The following TTN variants were observed in gnomAD, a reference collection of about 807,000 sequenced individuals.
TTN encodes the protein titin, also known as connectin.
A neutral mutation model predicts 3,223.0 loss-of-function variants in TTN; 1,525 were observed. The ratio of observed to expected loss-of-function variants is 0.47; its 90% CI spans 0.45 to 0.49. The LOEUF (loss-of-function observed/expected upper bound fraction) is 0.49, where lower values mean the gene tolerates loss of function less well. TTN is among the 20% of genes least tolerant of loss of function. The pLI, the probability that TTN is intolerant of heterozygous loss-of-function variation, is 0.00. For missense variants in TTN, 40,786 were observed against 43,424.0 expected, an observed-to-expected ratio of 0.94 and a Z score of 5.40; for synonymous variants, 14,094 against 15,161.0, an observed-to-expected ratio of 0.93 and a Z score of 5.17.
rs1345600097 is a variant in TTN at position 178,794,921 on chromosome 2, C to A, written c.1245+1G>T. 1 of 1,601,092 alleles carries A rather than the reference C, an allele frequency of 6.2e-7. No individual in the cohort carries two copies. Among genetic ancestry groups the A allele is most frequent in the Non-Finnish European group, 8.5e-7 (1 of 1,179,958 alleles). ...GAAAAACAAAACCATTCTGACAGTA[C>A]CTCTTTAGCACCAGTGGCAACAGCC... On this transcript the variant is annotated splice_donor_variant, in intron 7 of 362. Coordinates refer to ENST00000589042, the MANE Select transcript of TTN (RefSeq NM_001267550.2). LOFTEE classifies it high-confidence loss of function.
In TTN at chr2:178,599,783, G is replaced by A. The variant is rs1559671858; in HGVS notation, c.56118C>T (p.Ala18706=). The change falls in exon 289 of 363, where the codon GCC becomes GCT. Residue 18706 remains alanine, a synonymous_variant. Coordinates refer to ENST00000589042, the MANE Select transcript of TTN (RefSeq NM_001267550.2). ...VEEGTNVNIV[A]KIKGVPFPTL... is the part of the protein sequence containing the mutation. ...TCGGGAATGGCACACCTTTAATTTTGGCCACAATGTTAACATTGGTTCCTT... is the reference window on the plus strand; with the variant it reads ...TCGGGAATGGCACACCTTTAATTTTAGCCACAATGTTAACATTGGTTCCTT... 2 of 1,610,642 alleles carry A rather than the reference G, an allele frequency of 1.2e-6. No homozygotes were observed. Among genetic ancestry groups the A allele is most frequent in the Non-Finnish European group, 1.7e-6 (2 of 1,178,472 alleles).
chr2:178,539,922 A>C lies in TTN; in HGVS notation c.98143T>G (p.Phe32715Val). The change falls in exon 352 of 363, where the codon TTT becomes GTT. Residue 32715 changes from phenylalanine to valine, a missense_variant. Coordinates refer to ENST00000589042, the MANE Select transcript of TTN (RefSeq NM_001267550.2). ...ELDERYQEGI[F>V]VRQGGVIRLT... Reference sequence around the variant, plus strand: ...CTGATGACGCCACCTTGCCTTACAAAGATACCTTCTTGGTATCTTTCATCA... The same window carrying C: ...CTGATGACGCCACCTTGCCTTACAACGATACCTTCTTGGTATCTTTCATCA... 8.7e-6 allele frequency: 14 copies of C among 1,613,826 alleles called. No homozygotes were observed. The highest frequency in any genetic ancestry group is 1.2e-5 in the Non-Finnish European group (14 of 1,179,754).
chr2:178,595,913 T>A, intron 294 of TTN, 104 bp from the exon 295 acceptor site: 2 of 1,186,984 alleles, frequency 1.7e-6, no homozygotes, highest in Middle Eastern at 2.4e-4. Flanking sequence ...TTGAAGAAAG[T>A]AAGGTTTTGT....
Position 178,733,121 on chromosome 2 carries a change from T to G in TTN, c.16055A>C (p.Asp5352Ala). ...SSCETTFTVL[D>A]RDIAPFFTKP... The stretch of plus-strand genomic sequence containing the variant: ...GGTAAAAAATGGAGCAATGTCTCGA[T>G]CTGTGTGTTGCACAAGAAGGGAGAA... The change falls in exon 55 of 363, where the codon GAT becomes GCT. Residue 5352 changes from aspartate (D) to alanine (A), a missense_variant and splice_region_variant. By Grantham distance (126) the Asp-to-Ala change is moderately radical. Transcript: ENST00000589042. 6.3e-7 allele frequency: 1 copy of G among 1,585,194 alleles called. No individual in the cohort carries two copies. The highest frequency in any genetic ancestry group is 8.6e-7 in the Non-Finnish European group (1 of 1,164,060).
At chr2:178,758,115 T>C (rs1278300340) in intron 44 of TTN, among the ~76,000 whole-genome samples, 199 bp from the exon 45 acceptor site, 1 of 152,174 alleles carries the variant, frequency 6.6e-6, no homozygotes, top group African/African-American at 2.4e-5. Context: ...AGCTGAGACA[T>C]GAATGGGCTA....
intron 15 of TTN, 111 bp downstream of exon 15, chr2:178,785,509 C>T (rs2093108905): frequency 6.7e-7 from 1 of 1,501,768 alleles, no homozygotes; most frequent in African/African-American, 1.4e-5. Flanking sequence ...CACGCACACA[C>T]ACATCACCAA....
At chr2:178,705,087 C>A in intron 103 of TTN, 87 bp downstream of exon 103, 1 of 1,577,578 alleles carries the variant, frequency 6.3e-7, no homozygotes, top group Non-Finnish European at 8.6e-7. Flanking sequence ...CGTCATATAA[C>A]TATAGGATTC....
rs772425779 is a variant in TTN at position 178,541,559 on chromosome 2, T to G, written c.97518A>C (p.Leu32506Phe). The G allele has an allele frequency of 1.9e-6, 3 of 1,611,040 alleles. No homozygotes were observed. The highest frequency in any genetic ancestry group is 2.5e-6 in the Non-Finnish European group (3 of 1,178,280). Residue 32506 changes from leucine (L) to phenylalanine (F), a missense_variant, in exon 350 of 363, where the codon TTA becomes TTC. Leu to Phe is a conservative substitution (Grantham distance 22). Coordinates refer to ENST00000589042, the MANE Select transcript of TTN (RefSeq NM_001267550.2). Reference protein sequence around the residue: ...SIRIPGPPETLQIFDVSRDGM... With the variant: ...SIRIPGPPETFQIFDVSRDGM... ...CATCACGGGAAACATCAAATATCTG[T>G]AATGTTTCTGGGGGTCCAGGAATAC...
intron 43 of TTN, among the ~76,000 whole-genome samples, chr2:178,760,151 C>A (rs1447007408): frequency 2.0e-5 from 3 of 152,272 alleles, no homozygotes; most frequent in East Asian, 1.9e-4. Context: ...TACTCTCCTG[C>A]CCATGATGGT....
In TTN at chr2:178,612,386, G is replaced by C; in HGVS notation, c.50139C>G (p.Thr16713=). ...CATATAAAGAGCCCTCAGTCAGTGG[G>C]GTGACTGTGCACTTGGTGTCCTTGA... ...TTVKDTKCTV[T]PLTEGSLYVF... The change falls in exon 266 of 363, where the codon ACC becomes ACG. Residue 16713 remains threonine, a synonymous_variant. Transcript: ENST00000589042. 6.2e-7 allele frequency: 1 copy of C among 1,612,424 alleles called. No homozygotes were observed. The highest frequency in any genetic ancestry group is 8.5e-7 in the Non-Finnish European group (1 of 1,179,174).
rs1177102398 is a variant in TTN at position 178,537,985 on chromosome 2, A to G, written c.99290-68T>C. 6 of 1,343,494 alleles carry G rather than the reference A, an allele frequency of 4.5e-6. No homozygotes were observed. The East Asian group carries it at 1.5e-4, about 33-fold the overall frequency. The allele number at this position is 1,343,494 out of a possible 1,614,324, so 83.2% of individuals were successfully genotyped here. A position where few individuals can be genotyped will look rare whatever the true frequency, so the allele number is the denominator to read the frequency against. On this transcript the variant is annotated intron_variant, in intron 354 of 362. Transcript: ENST00000589042. Reference sequence around the variant, plus strand: ...AATCTGTAATCCTTTGTCCTTGTATATCAGGAATGAATTTACCTTATTTAC... The same window carrying G: ...AATCTGTAATCCTTTGTCCTTGTATGTCAGGAATGAATTTACCTTATTTAC...
chr2:178,735,826 CAAACTTG>C lies in TTN; in HGVS notation c.14613_14619del (p.Asn4871LysfsTer10). ...AACTCTGCTTGGCAGATGTCTGCTC[CAAACTTG>C]TTGGAAGCCTTACAAGAATAAACTC... On this transcript the variant is annotated frameshift_variant, in exon 50 of 363. Coordinates refer to ENST00000589042, the MANE Select transcript of TTN (RefSeq NM_001267550.2). LOFTEE classifies it high-confidence loss of function. 6.2e-7 allele frequency: 1 copy of C among 1,613,706 alleles called. No homozygotes were observed. The highest frequency in any genetic ancestry group is 8.5e-7 in the Non-Finnish European group (1 of 1,179,776).
intron 117 of TTN, 158 bp downstream of exon 117, chr2:178,694,441 T>G: frequency 1.9e-6 from 1 of 521,698 alleles, no homozygotes; most frequent in Non-Finnish European, 3.4e-6. Flanking sequence ...CTATTTAAAT[T>G]AAACATATGT....
chr2:178,561,095 A>T lies in TTN; in HGVS notation c.85037T>A (p.Ile28346Asn). Residue 28346 changes from isoleucine to asparagine, a missense_variant, in exon 326 of 363, where the codon ATT becomes AAT. Coordinates refer to ENST00000589042, the MANE Select transcript of TTN (RefSeq NM_001267550.2). ...AGGCTCAACATCATCTTTAACTATA[A>T]TAGGCCCAGTGGATTCAGATGGCTC... ...VSEPSESTGP[I>N]IVKDDVEPPR... 1 of 1,613,856 alleles carries T rather than the reference A, an allele frequency of 6.2e-7. No homozygotes were observed. Among genetic ancestry groups the T allele is most frequent in the Non-Finnish European group, 8.5e-7 (1 of 1,179,808 alleles).
intron 269 of TTN, 36 bp downstream of exon 269, chr2:178,611,326 TGAATAAAGGG>T: frequency 1.2e-6 from 2 of 1,610,598 alleles, no homozygotes; most frequent in Non-Finnish European, 1.7e-6. Flanking sequence ...ATGCAATGCA[TGAATAAAGGG>T]TATTTTATTA....
chr2:178,719,164 C>G lies in TTN; in HGVS notation c.24226G>C (p.Glu8076Gln). 5 of 1,610,208 alleles carry G rather than the reference C, an allele frequency of 3.1e-6. No individual in the cohort carries two copies. Among genetic ancestry groups the G allele is most frequent in the Non-Finnish European group, 4.2e-6 (5 of 1,177,130 alleles). ...DECSAVLTVQ[E>Q]PPSFEQTPDS... ...AGCAGCTTTATCCTTGCACACTGACCTTGCACAGTCAGGACTGCTGAGCAC... is the reference window on the plus strand; with the variant it reads ...AGCAGCTTTATCCTTGCACACTGACGTTGCACAGTCAGGACTGCTGAGCAC... The change falls in exon 83 of 363, where the codon GAA (glutamate) becomes CAA (glutamine). Residue 8076 changes from glutamate to glutamine, a missense_variant and splice_region_variant. Transcript: ENST00000589042.
At position 178,774,283 on chromosome 2, in the gene TTN, A is replaced by G. The variant is rs397517709; in HGVS notation, c.6981T>C (p.Asp2327=). ...ATTCTCCCTGGTCCTCCTTGGTTAC[A>G]TCCTTGACCGTGAGGTTCTGACGTC... is the stretch of plus-strand genomic sequence containing the variant. ...RRGRQNLTVK[D]VTKEDQGEYS... Residue 2327 remains aspartate (D), a synonymous_variant, in exon 30 of 363, where the codon GAT becomes GAC. Coordinates refer to ENST00000589042, the MANE Select transcript of TTN (RefSeq NM_001267550.2). The G allele has an allele frequency of 9.3e-6, 15 of 1,614,058 alleles. No individual in the cohort carries two copies. The highest frequency in any genetic ancestry group is 1.7e-5 in the Admixed American group (1 of 59,998).
rs915586319 is a variant in TTN at position 178,547,597 on chromosome 2, A to G, written c.94029T>C (p.Asn31343=). The change falls in exon 339 of 363, where the codon AAT becomes AAC. Residue 31343 remains asparagine, a synonymous_variant. Coordinates refer to ENST00000589042, the MANE Select transcript of TTN (RefSeq NM_001267550.2). ...CCGATTCACGCTTTTCAACTATGTA[A>G]TTAGTAATTTCAGTGCCTCCTCCAT... ...PKDGGGTEIT[N]YIVEKRESGT... 5.6e-6 allele frequency: 9 copies of G among 1,613,740 alleles called. No homozygotes were observed. The Admixed American group carries it at 1.3e-4, about 24-fold the overall frequency.
chr2:178,746,354 A>T (rs755000326), intron 47 of TTN: 1 of 1,612,006 alleles, frequency 6.2e-7, no homozygotes, highest in East Asian at 2.2e-5. Context: ...AAATGGAAGA[A>T]CATCTAGACT....
Sources: gnomAD v4.1 joint callset for allele counts (sites outside exome capture counted in the v4.1 genomes callset) on GRCh38, gnomAD v4.1.1 for gene constraint, MANE v1.5 for transcripts, NCBI Gene and HGNC (gene_info 2026-07-23, HGNC 2026-07-21) for gene names.